Variants in RABGAP1L observed in about 807,000 individuals in gnomAD.
RABGAP1L encodes rab GTPase-activating protein 1-like.
A neutral mutation model predicts 137.7 loss-of-function variants in RABGAP1L; 63 were observed. That is an observed-to-expected ratio of 0.46 (90% CI 0.37 to 0.56). The LOEUF (loss-of-function observed/expected upper bound fraction) is 0.56. RABGAP1L is among the 20% of genes least tolerant of loss of function. The pLI, the probability that RABGAP1L is intolerant of heterozygous loss-of-function variation, is 0.00. For missense variants in RABGAP1L, 1,095 were observed against 1,244.0 expected (o/e 0.88, Z 1.80); for synonymous variants, 431 against 433.7 (o/e 0.99, Z 0.08).
intron 1 of RABGAP1L, among the ~76,000 whole-genome samples, chr1:174,202,286 A>G (rs921145170): frequency 4.6e-5 from 7 of 152,014 alleles, no homozygotes; most frequent in South Asian, 2.1e-4. Context: ...AAGTGTTCCT[A>G]TTTCTCCACA....
At chr1:174,253,867 C>T (rs1451867878) in intron 7 of RABGAP1L, among the ~76,000 whole-genome samples, 1 of 152,078 alleles carries the variant, frequency 6.6e-6, no homozygotes, top group Non-Finnish European at 1.5e-5. Context: ...TGGTGATGCT[C>T]AAGAGAAATA....
chr1:174,516,844 T>G (rs1662902809), intron 13 of RABGAP1L, among the ~76,000 whole-genome samples: 1 of 151,772 alleles, frequency 6.6e-6, no homozygotes, highest in Non-Finnish European at 1.5e-5. Context: ...GGAGAATCGC[T>G]TGAACCCAGG....
chr1:174,231,087 T>G, intron 3 of RABGAP1L, 58 bp from the exon 4 acceptor site: 1 of 1,318,228 alleles, frequency 7.6e-7, no homozygotes, highest in Non-Finnish European at 1.1e-6. Flanking sequence ...TTGGCAAGAT[T>G]ATAATGATGG....
chr1:174,769,575 G>T (rs1685949908), intron 18 of RABGAP1L, among the ~76,000 whole-genome samples: 1 of 152,176 alleles, frequency 6.6e-6, no homozygotes, highest in South Asian at 2.1e-4. Flanking sequence ...GAGTTTTGGG[G>T]AAAGGCTATT....
chr1:174,182,091 A>G (rs1333930291), intron 1 of RABGAP1L, among the ~76,000 whole-genome samples: 3 of 152,188 alleles, frequency 2.0e-5, no homozygotes, highest in Non-Finnish European at 2.9e-5. Flanking sequence ...TTAAAAAGCA[A>G]CTTTGGGTTG....
chr1:174,218,814 A>G (rs915483844), intron 1 of RABGAP1L, among the ~76,000 whole-genome samples: 3 of 152,144 alleles, frequency 2.0e-5, no homozygotes, highest in Admixed American at 6.6e-5. Flanking sequence ...AGAAAACAGT[A>G]TTTCTAAGAG....
chr1:174,701,899 TATA>T (rs923083541), intron 16 of RABGAP1L, among the ~76,000 whole-genome samples: 8 of 152,340 alleles, frequency 5.3e-5, no homozygotes, highest in African/African-American at 1.9e-4. Context: ...CTTAGTTGTT[TATA>T]ATAAGTCTGT....
chr1:174,545,976 A>G (rs369041758), intron 13 of RABGAP1L: 1 of 152,200 alleles, frequency 6.6e-6, no homozygotes, highest in Non-Finnish European at 1.5e-5. Flanking sequence ...TTTTAGCATT[A>G]AAGTAGAAAG....
intron 1 of RABGAP1L, among the ~76,000 whole-genome samples, chr1:174,200,445 T>A (rs941386138): frequency 1.3e-5 from 2 of 152,198 alleles, no homozygotes; most frequent in Non-Finnish European, 2.9e-5. Flanking sequence ...GAAATCTGTA[T>A]ATGAGGTAGA....
intron 11 of RABGAP1L, among the ~76,000 whole-genome samples, chr1:174,321,385 A>ACACT (rs1191087686): frequency 1.3e-5 from 2 of 151,936 alleles, no homozygotes; most frequent in Non-Finnish European, 2.9e-5. Context: ...CCCTATTCGT[A>ACACT]CACTCCCTCC....
chr1:174,515,414 T>C (rs1662734229), intron 13 of RABGAP1L, among the ~76,000 whole-genome samples: 1 of 152,194 alleles, frequency 6.6e-6, no homozygotes, highest in Admixed American at 6.5e-5. Context: ...TATAATTTAT[T>C]CAGAAACAGG....
chr1:174,454,691 A>G (rs1655841769), intron 13 of RABGAP1L, among the ~76,000 whole-genome samples: 1 of 151,246 alleles, frequency 6.6e-6, no homozygotes, highest in South Asian at 2.1e-4. Flanking sequence ...CTGAGACTAC[A>G]GGCGCCCACC....
intron 7 of RABGAP1L, among the ~76,000 whole-genome samples, chr1:174,269,728 T>C (rs979242449): frequency 2.6e-5 from 4 of 152,230 alleles, no homozygotes; most frequent in Admixed American, 2.6e-4. Context: ...ATGTCTCTTC[T>C]ATACTTTGTT....
intron 7 of RABGAP1L, among the ~76,000 whole-genome samples, chr1:174,253,547 T>G (rs1207948192): frequency 6.6e-6 from 1 of 152,196 alleles, no homozygotes; most frequent in Non-Finnish European, 1.5e-5. Context: ...TACCTAGTAC[T>G]TCTTTGTCTT....
chr1:174,958,433 TCA>T (rs760773267), intron 20 of RABGAP1L, among the ~76,000 whole-genome samples: 30 of 152,174 alleles, frequency 2.0e-4, no homozygotes, highest in Non-Finnish European at 3.2e-4. Context: ...CTTTTCAGAC[TCA>T]CACAGATACG....
intron 11 of RABGAP1L, among the ~76,000 whole-genome samples, 189 bp from the exon 12 acceptor site, chr1:174,370,786 AGTTT>A (rs1417753329): frequency 6.6e-6 from 1 of 151,904 alleles, no homozygotes; most frequent in Non-Finnish European, 1.5e-5. Context: ...TTTTCATAAA[AGTTT>A]GTTCTTTTAA....
chr1:174,719,457 T>G (rs1222055387), intron 17 of RABGAP1L, among the ~76,000 whole-genome samples: 1 of 152,188 alleles, frequency 6.6e-6, no homozygotes, highest in Non-Finnish European at 1.5e-5. Flanking sequence ...TCAACAAGCA[T>G]CTATTAAATC....
In RABGAP1L at chr1:174,774,655, G is replaced by A. The variant is rs967435374; in HGVS notation, c.2211+22301G>A. On this transcript the variant is annotated intron_variant, in intron 18 of 25. Transcript: ENST00000681986. ...AGCACTTTGGCAGGGCAAGGCAAGC[G>A]GATCGCTTGAGTCTAGGAGTTTGAG... 4.6e-5 allele frequency among the ~76,000 whole-genome samples: 7 copies of A among 152,034 alleles called. 1 individual carries two copies. The highest frequency in any genetic ancestry group is 1.9e-4 in the East Asian group (1 of 5,182).
At chr1:174,940,000 A>T (rs1665588993) in intron 19 of RABGAP1L, among the ~76,000 whole-genome samples, 1 of 152,254 alleles carries the variant, frequency 6.6e-6, no homozygotes, top group Non-Finnish European at 1.5e-5. Context: ...AGGTTGCAGT[A>T]GATACCAACT....
Sources: gnomAD v4.1 joint callset for allele counts (sites outside exome capture counted in the v4.1 genomes callset) on GRCh38, gnomAD v4.1.1 for gene constraint, MANE v1.5 for transcripts, NCBI Gene and HGNC (gene_info 2026-07-23, HGNC 2026-07-21) for gene names.